Variants in FREM2 observed in about 807,000 individuals in gnomAD.
FREM2 encodes the protein FRAS1 related extracellular matrix 2, also known as FRAS1-related extracellular matrix protein 2.
Under a neutral mutation model 219.9 loss-of-function variants are expected in FREM2, and 119 were observed. The ratio of observed to expected loss-of-function variants is 0.54; its 90% confidence interval spans 0.47 to 0.63. The LOEUF (loss-of-function observed/expected upper bound fraction) is 0.63, where lower values mean the gene tolerates loss of function less well. Ranked by LOEUF, FREM2 falls within the 30% of genes least tolerant of loss-of-function variation. The pLI is 0.00. For synonymous variants in FREM2, 1,562 were observed against 1,522.8 expected (o/e 1.03, Z -0.60); for missense variants, 4,030 against 3,993.6 (o/e 1.01, Z -0.25).
At chr13:38,818,856 C>T (rs945909333) in intron 6 of FREM2, among the ~76,000 whole-genome samples, 4 of 151,862 alleles carry the variant, frequency 2.6e-5, no homozygotes, top group African/African-American at 9.7e-5. Flanking sequence ...CGCACCACTA[C>T]ACTCTAGTCT....
At chr13:38,808,773 A>T (rs1449313708) in intron 6 of FREM2, among the ~76,000 whole-genome samples, 1 of 151,998 alleles carries the variant, frequency 6.6e-6, no homozygotes, top group Non-Finnish European at 1.5e-5. Flanking sequence ...TAAGTTTGAA[A>T]TATTCTGAAA....
At chr13:38,857,353 T>C (rs1309820862) in intron 12 of FREM2, among the ~76,000 whole-genome samples, 2 of 152,144 alleles carry the variant, frequency 1.3e-5, no homozygotes, top group East Asian at 3.9e-4. Flanking sequence ...TGTCTGGAAC[T>C]CAAATTCTCC....
At chr13:38,869,713 T>C (rs1878094532) in intron 16 of FREM2, among the ~76,000 whole-genome samples, 1 of 152,250 alleles carries the variant, frequency 6.6e-6, no homozygotes, top group Non-Finnish European at 1.5e-5. Flanking sequence ...TACCTTTGTG[T>C]GTGACACCTA....
intron 14 of FREM2, 151 bp downstream of exon 14, chr13:38,859,741 G>A (rs1358518654): frequency 6.1e-6 from 5 of 817,218 alleles, no homozygotes; most frequent in Non-Finnish European, 1.0e-5. Context: ...ACAAAATTAT[G>A]TATTAGAAAA....
intron 6 of FREM2, among the ~76,000 whole-genome samples, chr13:38,804,948 A>G (rs1221356854): frequency 6.6e-6 from 1 of 152,062 alleles, no homozygotes; most frequent in Non-Finnish European, 1.5e-5. Context: ...TTCTTAACCA[A>G]TCCAGCTTTC....
intron 16 of FREM2, among the ~76,000 whole-genome samples, chr13:38,868,769 G>A (rs1007474227): frequency 5.9e-5 from 9 of 152,326 alleles, no homozygotes; most frequent in African/African-American, 2.2e-4. Flanking sequence ...CTGAAGGAAA[G>A]CAAAGTAAAT....
chr13:38,762,989 G>A (rs1016739527), intron 2 of FREM2, among the ~76,000 whole-genome samples: 2 of 152,076 alleles, frequency 1.3e-5, no homozygotes, highest in African/African-American at 4.8e-5. Flanking sequence ...AAGGTTTGGG[G>A]TTATTATAGA....
chr13:38,810,997 T>G (rs1048240037), intron 6 of FREM2, among the ~76,000 whole-genome samples: 3 of 152,038 alleles, frequency 2.0e-5, no homozygotes, highest in African/African-American at 7.2e-5. Flanking sequence ...ATTAATCTCT[T>G]CAGGTTTGAG....
chr13:38,759,374 G>C (rs914958940), intron 2 of FREM2, among the ~76,000 whole-genome samples: 3 of 150,980 alleles, frequency 2.0e-5, no homozygotes, highest in Non-Finnish European at 4.4e-5. Context: ...AAGATTAAAT[G>C]CTTTGTCTTT....
Position 38,687,087 on chromosome 13 carries a change from G to GTA in FREM2, c.-258_-257insTA. 1 of 580,368 alleles carries GTA rather than the reference G, an allele frequency of 1.7e-6. No individual in the cohort carries two copies. The highest frequency in any genetic ancestry group is 3.1e-6 in the Non-Finnish European group (1 of 326,338). The allele number at this position is 580,368 out of a possible 1,614,324, so 36.0% of individuals were successfully genotyped here. On this transcript the variant is annotated 5_prime_UTR_variant, in exon 1 of 24. Transcript: ENST00000280481. ...GGGGACCTGGAAAGTAGAAGTGGAG[G>GTA]GATTCAATTCTCCGCGCGATTGAGG...
chr13:38,729,492 A>G (rs986082450), intron 2 of FREM2, among the ~76,000 whole-genome samples: 1 of 152,218 alleles, frequency 6.6e-6, no homozygotes, highest in East Asian at 1.9e-4. Context: ...TTTCATAATT[A>G]TCACTAAATT....
At chr13:38,840,425 T>C (rs1876905286) in intron 6 of FREM2, among the ~76,000 whole-genome samples, 2 of 145,908 alleles carry the variant, frequency 1.4e-5, no homozygotes, top group Admixed American at 6.9e-5. Context: ...ATTTCTCCTT[T>C]TTTTTTTTTT....
chr13:38,730,875 C>T (rs769651554), intron 2 of FREM2, among the ~76,000 whole-genome samples: 26 of 150,774 alleles, frequency 1.7e-4, no homozygotes, highest in Non-Finnish European at 2.7e-4. Flanking sequence ...TAAAGACTTA[C>T]TCACCTACAC....
Position 38,851,766 on chromosome 13 carries a change from C to T in FREM2, c.6823C>T (p.Pro2275Ser), listed in dbSNP as rs967646248. Reference protein sequence around the residue: ...EPGESVVIRIPVIRQGDTSKV... With the variant: ...EPGESVVIRISVIRQGDTSKV... ...TGGAGAGTCGGTGGTTATAAGAATT[C>T]CAGTGATTCGCCAAGGAGACACTTC... is the stretch of plus-strand genomic sequence containing the variant. The change falls in exon 11 of 24, where the codon CCA becomes TCA. Residue 2275 changes from proline (P) to serine (S), a missense_variant. By Grantham distance (74) the Pro-to-Ser change is moderately conservative. Transcript: ENST00000280481. The T allele has an allele frequency of 1.9e-6, 3 of 1,613,578 alleles. No individual in the cohort carries two copies. Among genetic ancestry groups the T allele is most frequent in the Non-Finnish European group, 1.7e-6 (2 of 1,179,616 alleles).
intron 2 of FREM2, among the ~76,000 whole-genome samples, chr13:38,731,648 G>T (rs991610330): frequency 1.3e-5 from 2 of 152,186 alleles, no homozygotes; most frequent in African/African-American, 4.8e-5. Flanking sequence ...ACTAATCACA[G>T]ATCATTATTA....
chr13:38,688,532 G>C lies in FREM2; in HGVS notation c.1188G>C (p.Gln396His), dbSNP rs61997174. Residue 396 changes from glutamine (Q) to histidine (H), a missense_variant, in exon 1 of 24, where the codon CAG (glutamine) becomes CAC (histidine). Coordinates refer to ENST00000280481, the MANE Select transcript of FREM2 (RefSeq NM_207361.6). ...TGCGGCTCCTGAAGATTGCCTACCA[G>C]CCCCCTTCTGAAGACTCTGACCAGG... Reference protein sequence around the residue: ...RDLRLLKIAYQPPSEDSDQER... With the variant: ...RDLRLLKIAYHPPSEDSDQER... The C allele has an allele frequency of 1.2e-3, 1,979 of 1,613,890 alleles. 31 individuals carry two copies. The African/African-American group carries it at 0.024, about 19-fold the overall frequency.
chr13:38,884,979 A>C lies in FREM2; in HGVS notation c.*4192A>C, dbSNP rs569012139. 2.0e-5 allele frequency: 3 copies of C among 152,284 alleles called. No homozygotes were observed. In the East Asian group the frequency reaches 5.8e-4, roughly 29 times the overall value. The allele number at this position is 152,284 out of a possible 1,614,324, so 9.4% of individuals were successfully genotyped here. ...ATATTTCCTGGAGGTGTTTTCCTAG[A>C]ATTGATTGCACTATTGCATGGTAAT... is the stretch of plus-strand genomic sequence containing the variant. On this transcript the variant is annotated 3_prime_UTR_variant, in exon 24 of 24. Transcript: ENST00000280481.
At chr13:38,779,800 T>C (rs1874043400) in intron 4 of FREM2, among the ~76,000 whole-genome samples, 1 of 152,196 alleles carries the variant, frequency 6.6e-6, no homozygotes, top group African/African-American at 2.4e-5. Context: ...AATCTGATGA[T>C]CACCTCTCAG....
At chr13:38,727,939 G>A (rs1379296011) in intron 2 of FREM2, among the ~76,000 whole-genome samples, 2 of 152,272 alleles carry the variant, frequency 1.3e-5, no homozygotes, top group East Asian at 3.9e-4. Context: ...TGGCTTAGAT[G>A]GCAGTCAGTT....
Sources: allele counts gnomAD v4.1 joint callset (sites outside exome capture counted in the v4.1 genomes callset), GRCh38; gene constraint gnomAD v4.1.1; transcripts MANE v1.5; gene names NCBI Gene and HGNC (gene_info 2026-07-23, HGNC 2026-07-21).